ZMAT4: variants seen among roughly 807,000 people sequenced by gnomAD.
ZMAT4 encodes zinc finger matrin-type 4.
In ZMAT4, 17 loss-of-function variants were observed where a neutral mutation model predicts 28.7. The observed-to-expected ratio is 0.59, with a 90% CI of 0.41 to 0.89. The LOEUF (loss-of-function observed/expected upper bound fraction) is 0.89, where lower values mean the gene tolerates loss of function less well. Among genes scored for constraint, ZMAT4 ranks in the 40% least tolerant of loss-of-function variants. The pLI is 0.00. For synonymous variants in ZMAT4, 117 were observed against 109.2 expected (o/e 1.07, Z -0.44); for missense variants, 240 against 283.8 (o/e 0.85, Z 1.11).
At chr8:40,882,475 A>G (rs192310049) in intron 1 of ZMAT4, among the ~76,000 whole-genome samples, 12 of 152,274 alleles carry the variant, frequency 7.9e-5, no homozygotes, top group African/African-American at 2.9e-4. Flanking sequence ...AGTCGGACAC[A>G]GGTATTGTAG....
At chr8:40,736,806 C>T (rs1255462484) in intron 3 of ZMAT4, among the ~76,000 whole-genome samples, 2 of 45,878 alleles carry the variant, frequency 4.4e-5, no homozygotes, top group African/African-American at 6.4e-5. Flanking sequence ...CAGTGAGGGA[C>T]GGGTGGAAGA....
intron 2 of ZMAT4, among the ~76,000 whole-genome samples, chr8:40,805,909 C>T (rs918393120): frequency 4.6e-5 from 7 of 151,478 alleles, no homozygotes; most frequent in Non-Finnish European, 7.4e-5. Flanking sequence ...CTGCACATTG[C>T]GCACATGTAC....
At chr8:40,780,183 C>T (rs11779091) in intron 2 of ZMAT4, among the ~76,000 whole-genome samples, 3 of 152,174 alleles carry the variant, frequency 2.0e-5, no homozygotes. Flanking sequence ...AATGCATCAC[C>T]TAAATCGAAA....
At chr8:40,732,407 C>A (rs1811578449) in intron 3 of ZMAT4, among the ~76,000 whole-genome samples, 1 of 152,088 alleles carries the variant, frequency 6.6e-6, no homozygotes, top group African/African-American at 2.4e-5. Context: ...CTGGAGCCAG[C>A]ACAATGAGGT....
At chr8:40,662,497 A>G (rs2118859843) in intron 5 of ZMAT4, among the ~76,000 whole-genome samples, 1 of 152,266 alleles carries the variant, frequency 6.6e-6, no homozygotes, top group Non-Finnish European at 1.5e-5. Flanking sequence ...TGCAAAAATG[A>G]TTTCATTTTA....
At chr8:40,601,634 G>GAGAA in intron 5 of ZMAT4, among the ~76,000 whole-genome samples, 50 of 26,848 alleles carry the variant, frequency 1.9e-3, no homozygotes, top group African/African-American at 4.6e-3. Flanking sequence ...AAGAAAGAAA[G>GAGAA]AGAAAGAAAG....
At chr8:40,684,150 C>A (rs562917752) in intron 4 of ZMAT4, among the ~76,000 whole-genome samples, 3 of 151,642 alleles carry the variant, frequency 2.0e-5, no homozygotes, top group African/African-American at 7.3e-5. Context: ...AATAAACTTA[C>A]GTATTAGGCA....
At chr8:40,655,012 A>G (rs1450844625) in intron 5 of ZMAT4, among the ~76,000 whole-genome samples, 1 of 151,406 alleles carries the variant, frequency 6.6e-6, no homozygotes. Context: ...AAAACTCTCT[A>G]TTGGGAGATA....
chr8:40,764,081 G>A (rs1222255347), intron 3 of ZMAT4, among the ~76,000 whole-genome samples: 2 of 152,040 alleles, frequency 1.3e-5, no homozygotes, highest in Non-Finnish European at 2.9e-5. Flanking sequence ...TCTGACCCAC[G>A]GGTCTGAAGA....
chr8:40,554,833 G>C (rs1803478906), intron 6 of ZMAT4, among the ~76,000 whole-genome samples: 2 of 151,954 alleles, frequency 1.3e-5, no homozygotes, highest in South Asian at 4.1e-4. Flanking sequence ...CTCTATTCTA[G>C]CCACTTTGAA....
At chr8:40,570,727 A>AAAACAAACAAAC (rs56953458) in intron 6 of ZMAT4, among the ~76,000 whole-genome samples, 291 of 151,008 alleles carry the variant, frequency 1.9e-3, no homozygotes, top group Middle Eastern at 6.8e-3. Flanking sequence ...ACAACGACAG[A>AAAACAAACAAAC]AAACAAACAA....
At chr8:40,612,186 T>C (rs1805826062) in intron 5 of ZMAT4, among the ~76,000 whole-genome samples, 1 of 152,194 alleles carries the variant, frequency 6.6e-6, no homozygotes, top group Non-Finnish European at 1.5e-5. Flanking sequence ...CACAGTTCAT[T>C]ATATATTATG....
chr8:40,821,034 T>C (rs1287568738), intron 2 of ZMAT4, among the ~76,000 whole-genome samples: 3 of 147,272 alleles, frequency 2.0e-5, no homozygotes, highest in Non-Finnish European at 4.6e-5. Context: ...TGTGTATGTG[T>C]ATGTATGTGT....
chr8:40,770,564 T>TTG (rs386412619), intron 2 of ZMAT4, among the ~76,000 whole-genome samples: 6 of 149,950 alleles, frequency 4.0e-5, no homozygotes, highest in Non-Finnish European at 8.9e-5. Flanking sequence ...TTTTTTTTTT[T>TTG]TGTGACAGAG....
At chr8:40,866,986 A>C (rs1162310225) in intron 1 of ZMAT4, among the ~76,000 whole-genome samples, 1 of 152,216 alleles carries the variant, frequency 6.6e-6, no homozygotes, top group Non-Finnish European at 1.5e-5. Flanking sequence ...TAGATGCTCT[A>C]ACTAAGTCAT....
At chr8:40,580,676 A>G (rs537583851) in intron 6 of ZMAT4, among the ~76,000 whole-genome samples, 4 of 152,302 alleles carry the variant, frequency 2.6e-5, no homozygotes, top group East Asian at 1.9e-4. Context: ...ATAAGTTTCC[A>G]TTCACTTGGA....
chr8:40,585,761 C>T (rs1474973046), intron 5 of ZMAT4, among the ~76,000 whole-genome samples: 1 of 152,096 alleles, frequency 6.6e-6, no homozygotes, highest in African/African-American at 2.4e-5. Context: ...CTCTTCTAAG[C>T]ATGGAATCAG....
chr8:40,550,871 T>C (rs926107744), intron 6 of ZMAT4, among the ~76,000 whole-genome samples: 1 of 152,190 alleles, frequency 6.6e-6, no homozygotes, highest in South Asian at 2.1e-4. Flanking sequence ...ACCTACTTTT[T>C]AGTCGACAGG....
intron 2 of ZMAT4, among the ~76,000 whole-genome samples, chr8:40,779,587 C>G (rs1426255769): frequency 6.6e-5 from 10 of 152,162 alleles, no homozygotes; most frequent in Non-Finnish European, 1.2e-4. Context: ...ATCACCTATT[C>G]AGAATCACAG....
Sources: gnomAD v4.1 joint callset for allele counts (sites outside exome capture counted in the v4.1 genomes callset) on GRCh38, gnomAD v4.1.1 for gene constraint, MANE v1.5 for transcripts, NCBI Gene and HGNC (gene_info 2026-07-23, HGNC 2026-07-21) for gene names.